FHIT: variants seen among roughly 807,000 people sequenced by gnomAD.
The protein encoded by FHIT is bis(5'-adenosyl)-triphosphatase.
FHIT carries 19 observed loss-of-function variants against 17.9 expected under a neutral mutation model. That is an observed-to-expected ratio of 1.06 (90% CI 0.74 to 1.56). FHIT has a LOEUF of 1.56. FHIT is among the 40% of genes most tolerant of loss of function. The pLI is 0.00. For missense variants in FHIT, 248 were observed against 189.2 expected, an observed-to-expected ratio of 1.31 and a Z score of -1.82; for synonymous variants, 81 against 69.7, an observed-to-expected ratio of 1.16 and a Z score of -0.81.
intron 4 of FHIT, among the ~76,000 whole-genome samples, chr3:60,789,955 A>G (rs1700720035): frequency 1.3e-5 from 2 of 152,216 alleles, no homozygotes; most frequent in African/African-American, 4.8e-5. Flanking sequence ...CCAGAAGTGT[A>G]GCGTCAAAAA....
intron 3 of FHIT, among the ~76,000 whole-genome samples, chr3:61,026,943 T>C (rs1241040022): frequency 6.6e-6 from 1 of 152,216 alleles, no homozygotes; most frequent in Non-Finnish European, 1.5e-5. Context: ...CTGCAATTGG[T>C]AAATTTCAGT....
chr3:60,233,896 T>G (rs1284275473), intron 5 of FHIT, among the ~76,000 whole-genome samples: 1 of 152,178 alleles, frequency 6.6e-6, no homozygotes, highest in Non-Finnish European at 1.5e-5. Context: ...CTCCTTTATC[T>G]TCTGCCATGA....
chr3:59,907,894 T>C (rs920367256), intron 8 of FHIT, among the ~76,000 whole-genome samples: 18 of 152,224 alleles, frequency 1.2e-4, no homozygotes, highest in African/African-American at 4.1e-4. Context: ...TTCCCTGGCT[T>C]ATGGCTCAAT....
At chr3:61,134,422 T>C (rs770382317) in intron 2 of FHIT, among the ~76,000 whole-genome samples, 19 of 152,190 alleles carry the variant, frequency 1.2e-4, no homozygotes, top group Middle Eastern at 3.2e-3. Flanking sequence ...ATTGGAAGTA[T>C]AGCAGTAAAC....
At chr3:60,501,440 C>T (rs1002051687) in intron 5 of FHIT, among the ~76,000 whole-genome samples, 1 of 152,140 alleles carries the variant, frequency 6.6e-6, no homozygotes, top group Non-Finnish European at 1.5e-5. Flanking sequence ...CCCACATTTA[C>T]GCCAGCTCTT....
chr3:60,442,313 G>A (rs1391831802), intron 5 of FHIT, among the ~76,000 whole-genome samples: 1 of 152,032 alleles, frequency 6.6e-6, no homozygotes, highest in African/African-American at 2.4e-5. Context: ...TTCTGGTGGT[G>A]GGAAGATGGT....
At chr3:60,758,945 A>G (rs1699542053) in intron 4 of FHIT, among the ~76,000 whole-genome samples, 1 of 152,188 alleles carries the variant, frequency 6.6e-6, no homozygotes, top group Non-Finnish European at 1.5e-5. Flanking sequence ...TGATAATCTG[A>G]GCAGAGATCT....
At chr3:59,889,252 A>G (rs747296327) in intron 8 of FHIT, among the ~76,000 whole-genome samples, 5 of 152,226 alleles carry the variant, frequency 3.3e-5, no homozygotes, top group Non-Finnish European at 7.3e-5. Flanking sequence ...CCAGGCATCA[A>G]GAGGCAGTCC....
chr3:60,095,917 TC>T (rs944298929), intron 5 of FHIT, among the ~76,000 whole-genome samples: 1 of 152,208 alleles, frequency 6.6e-6, no homozygotes, highest in Non-Finnish European at 1.5e-5. Flanking sequence ...CTGTTTCCCA[TC>T]CTGGGCTGTG....
chr3:60,282,894 T>G (rs1165763210), intron 5 of FHIT, among the ~76,000 whole-genome samples: 3 of 152,086 alleles, frequency 2.0e-5, no homozygotes, highest in Admixed American at 2.0e-4. Flanking sequence ...TGCTAAGATA[T>G]CAGCAGTCCA....
intron 7 of FHIT, among the ~76,000 whole-genome samples, chr3:59,941,157 A>T (rs1184537725): frequency 1.3e-5 from 2 of 152,226 alleles, no homozygotes; most frequent in Non-Finnish European, 2.9e-5. Context: ...AGGAAGTATA[A>T]TTCTTCAAAG....
At chr3:60,380,776 G>T (rs1354191736) in intron 5 of FHIT, among the ~76,000 whole-genome samples, 1 of 152,156 alleles carries the variant, frequency 6.6e-6, no homozygotes, top group African/African-American at 2.4e-5. Context: ...GACCCGGTAA[G>T]GCAAAGATGA....
intron 5 of FHIT, among the ~76,000 whole-genome samples, chr3:60,496,315 C>A (rs955095020): frequency 8.6e-5 from 13 of 151,846 alleles, no homozygotes; most frequent in Admixed American, 7.9e-4. Flanking sequence ...CAAAAGAAAA[C>A]AATGACCCAA....
intron 8 of FHIT, among the ~76,000 whole-genome samples, chr3:59,918,601 A>G (rs1307872358): frequency 6.6e-6 from 1 of 152,206 alleles, no homozygotes; most frequent in Non-Finnish European, 1.5e-5. Flanking sequence ...TGCCCAGTAT[A>G]CCAGACAGAA....
At chr3:60,101,039 A>G (rs980224490) in intron 5 of FHIT, among the ~76,000 whole-genome samples, 4 of 152,158 alleles carry the variant, frequency 2.6e-5, no homozygotes, top group Admixed American at 1.3e-4. Context: ...TTCTGTCTCA[A>G]AGTCTACCCC....
chr3:60,406,781 C>G (rs1333113560), intron 5 of FHIT, among the ~76,000 whole-genome samples: 1 of 152,094 alleles, frequency 6.6e-6, no homozygotes, highest in East Asian at 1.9e-4. Flanking sequence ...ACCTTCTTCC[C>G]TAATGTTGGC....
intron 8 of FHIT, among the ~76,000 whole-genome samples, chr3:59,880,257 A>T (rs1236774269): frequency 4.6e-5 from 7 of 151,784 alleles, no homozygotes; most frequent in East Asian, 1.9e-4. Flanking sequence ...CCTCCCCAAG[A>T]CCTTGTGCCT....
chr3:60,315,475 C>T (rs924379104), intron 5 of FHIT, among the ~76,000 whole-genome samples: 1 of 152,124 alleles, frequency 6.6e-6, no homozygotes, highest in Admixed American at 6.6e-5. Context: ...AAATAAGAAA[C>T]CAGTATCCTA....
At chr3:60,089,823 G>A (rs1168398359) in intron 5 of FHIT, among the ~76,000 whole-genome samples, 1 of 152,092 alleles carries the variant, frequency 6.6e-6, no homozygotes, top group Non-Finnish European at 1.5e-5. Flanking sequence ...ACCTCCCAAT[G>A]GCAACATCTC....
Sources: gnomAD v4.1 joint callset for allele counts (sites outside exome capture counted in the v4.1 genomes callset) on GRCh38, gnomAD v4.1.1 for gene constraint, MANE v1.5 for transcripts, NCBI Gene and HGNC (gene_info 2026-07-23, HGNC 2026-07-21) for gene names.